RANBP2: variants seen among roughly 807,000 people sequenced by gnomAD.
RANBP2 encodes E3 SUMO-protein ligase RanBP2.
Under a neutral mutation model 303.6 loss-of-function variants are expected in RANBP2, and 57 were observed. That is an observed-to-expected ratio of 0.19 (90% CI 0.15 to 0.23). RANBP2 has a LOEUF of 0.23. Among genes scored for constraint, RANBP2 ranks in the 10% least tolerant of loss-of-function variants. The pLI is 1.00. For missense variants in RANBP2, 3,138 were observed against 3,780.8 expected, an observed-to-expected ratio of 0.83 and a Z score of 4.46; for synonymous variants, 1,167 against 1,301.5, an observed-to-expected ratio of 0.90 and a Z score of 2.23.
At chr2:108,932,528 C>CAAAAAAAAAAAAAAAAAAAA in the RANBP2 span, among the ~76,000 whole-genome samples, 1 of 39,158 alleles carries the variant, frequency 2.6e-5, no homozygotes, top group African/African-American at 1.0e-4. Flanking sequence ...GACTCTGTCT[C>CAAAAAAAAAAAAAAAAAAAA]AAAAAAAAAA....
At chr2:109,715,448 T>C in the RANBP2 span, among the ~76,000 whole-genome samples, 1 of 152,236 alleles carries the variant, frequency 6.6e-6, no homozygotes, top group East Asian at 1.9e-4. Flanking sequence ...GGGAGACACT[T>C]AGGCTCACTT....
chr2:109,343,037 T>C, the RANBP2 span, among the ~76,000 whole-genome samples: 8 of 152,264 alleles, frequency 5.3e-5, no homozygotes, highest in African/African-American at 1.9e-4. Context: ...CACGCCGCAG[T>C]GTGAGAAGTT....
At chr2:109,484,189 C>G in the RANBP2 span, among the ~76,000 whole-genome samples, 1 of 152,000 alleles carries the variant, frequency 6.6e-6, no homozygotes, top group Non-Finnish European at 1.5e-5. Flanking sequence ...GCCTCAGCCT[C>G]CCAAGTAGCT....
the RANBP2 span, chr2:109,544,368 A>T: frequency 3.2e-6 from 5 of 1,555,914 alleles, no homozygotes; most frequent in South Asian, 2.5e-5. Flanking sequence ...TTTAAAAAAA[A>T]TTCAAGTAAA....
the RANBP2 span, among the ~76,000 whole-genome samples, chr2:108,920,136 G>T: frequency 1.3e-5 from 2 of 152,350 alleles, no homozygotes; most frequent in South Asian, 2.1e-4. Flanking sequence ...GGAAGTGCAG[G>T]CCAGCTCACG....
the RANBP2 span, among the ~76,000 whole-genome samples, chr2:108,909,322 C>T: frequency 1.3e-5 from 2 of 152,152 alleles, no homozygotes; most frequent in African/African-American, 4.8e-5. Flanking sequence ...TAGGGAGGCC[C>T]TATTTAAGAG....
chr2:109,317,363 A>G, the RANBP2 span, among the ~76,000 whole-genome samples: 1 of 152,064 alleles, frequency 6.6e-6, no homozygotes, highest in Non-Finnish European at 1.5e-5. Context: ...CCCCAGCCCC[A>G]GGGGGTGGAG....
chr2:108,783,451 C>G (rs1193526908), intron 28 of RANBP2, 145 bp from the exon 29 acceptor site: 1 of 474,930 alleles, frequency 2.1e-6, no homozygotes, highest in Non-Finnish European at 3.6e-6. Context: ...ATATGAATTT[C>G]TTAGTTTTCA....
chr2:108,936,420 G>C, the RANBP2 span, among the ~76,000 whole-genome samples: 1 of 152,174 alleles, frequency 6.6e-6, no homozygotes, highest in Non-Finnish European at 1.5e-5. Flanking sequence ...GCTCTTCCAT[G>C]GCGGGAGGCA....
chr2:109,432,957 G>A, the RANBP2 span, among the ~76,000 whole-genome samples: 2 of 152,272 alleles, frequency 1.3e-5, no homozygotes, highest in East Asian at 3.9e-4. Context: ...GAGGTCTCAA[G>A]TGTGAATGTG....
chr2:109,615,998 G>T, the RANBP2 span: 4 of 1,540,480 alleles, frequency 2.6e-6, no homozygotes, highest in Non-Finnish European at 2.6e-6. Context: ...AGGAGGGAGT[G>T]GGGGAGGAAC....
the RANBP2 span, among the ~76,000 whole-genome samples, chr2:109,240,683 G>A: frequency 6.6e-6 from 1 of 152,054 alleles, no homozygotes; most frequent in Non-Finnish European, 1.5e-5. Flanking sequence ...GAGGCCATTA[G>A]GTGAGAATGC....
the RANBP2 span, among the ~76,000 whole-genome samples, chr2:108,802,753 A>G: frequency 1.3e-5 from 2 of 149,948 alleles, no homozygotes; most frequent in African/African-American, 2.4e-5. Flanking sequence ...TCAGTATGAT[A>G]TCGGCTGTGG....
the RANBP2 span, among the ~76,000 whole-genome samples, chr2:109,181,560 C>T: frequency 6.6e-6 from 1 of 152,206 alleles, no homozygotes; most frequent in Non-Finnish European, 1.5e-5. Context: ...CCATGCCACA[C>T]TCCTACTTTC....
chr2:109,760,592 G>A, the RANBP2 span, among the ~76,000 whole-genome samples: 1 of 143,068 alleles, frequency 7.0e-6, no homozygotes, highest in Non-Finnish European at 1.5e-5. Flanking sequence ...CGACCTGGGG[G>A]CGGGCGGCGG....
At chr2:108,972,798 C>A in the RANBP2 span, among the ~76,000 whole-genome samples, 1 of 152,166 alleles carries the variant, frequency 6.6e-6, no homozygotes, top group Non-Finnish European at 1.5e-5. Context: ...GGGGGGCCTC[C>A]GGCAGGGGCG....
chr2:108,908,023 C>T, the RANBP2 span: 1 of 1,606,050 alleles, frequency 6.2e-7, no homozygotes, highest in Non-Finnish European at 8.5e-7. Context: ...GTTCTCGCTG[C>T]AAAAACAAGA....
the RANBP2 span, among the ~76,000 whole-genome samples, chr2:108,992,300 C>T: frequency 2.6e-5 from 4 of 152,292 alleles, no homozygotes; most frequent in Admixed American, 6.5e-5. Context: ...CAGTCAAAAT[C>T]GCTGGCCTCA....
chr2:109,487,387 G>A, the RANBP2 span, among the ~76,000 whole-genome samples: 1 of 152,176 alleles, frequency 6.6e-6, no homozygotes, highest in East Asian at 1.9e-4. Context: ...TGGATTCCGT[G>A]AGCATGACGA....
Sources: gnomAD v4.1 joint callset for allele counts (sites outside exome capture counted in the v4.1 genomes callset) on GRCh38, gnomAD v4.1.1 for gene constraint, MANE v1.5 for transcripts, NCBI Gene and HGNC (gene_info 2026-07-23, HGNC 2026-07-21) for gene names.